PCDHGA11: variants seen among roughly 807,000 people sequenced by gnomAD.
PCDHGA11 encodes the protein protocadherin gamma subfamily A, 11, also known as protocadherin gamma-A11.
Under a neutral mutation model 60.4 loss-of-function variants are expected in PCDHGA11, and 39 were observed. The ratio of observed to expected loss-of-function variants is 0.65; its 90% CI spans 0.50 to 0.84. The LOEUF (loss-of-function observed/expected upper bound fraction) is 0.84, where lower values mean the gene tolerates loss of function less well. Ranked by LOEUF, PCDHGA11 falls within the 40% of genes least tolerant of loss-of-function variation. PCDHGA11 has a pLI of 0.00. For synonymous variants in PCDHGA11, 533 were observed against 510.3 expected, an observed-to-expected ratio of 1.04 and a Z score of -0.60; for missense variants, 1,165 against 1,197.7, an observed-to-expected ratio of 0.97 and a Z score of 0.40.
At chr5:141,440,859 T>C (rs1272611201) in intron 1 of PCDHGA11, 1 of 152,076 alleles carries the variant, frequency 6.6e-6, no homozygotes, top group Non-Finnish European at 1.5e-5. Context: ...CCTGTGTTCA[T>C]CTAGGATGTG....
In PCDHGA11 at chr5:141,431,627, C is replaced by T. The variant is rs769351473; in HGVS notation, c.2433+7967C>T. 2.5e-6 allele frequency: 4 copies of T among 1,614,076 alleles called. No homozygotes were observed. The South Asian group carries it at 4.4e-5, about 18-fold the overall frequency. On this transcript the variant is annotated intron_variant, in intron 1 of 3. Coordinates refer to ENST00000398587, the MANE Select transcript of PCDHGA11 (RefSeq NM_018914.3). The surrounding 1 kb of genome is among the most constrained non-coding windows in gnomAD (Gnocchi z 4.8). Reference sequence around the variant, plus strand: ...CCGGTATGTGGACGACAAGGCGGCCCAAGTTTTCAAACTAGATTGTAATTC... The same window carrying T: ...CCGGTATGTGGACGACAAGGCGGCCTAAGTTTTCAAACTAGATTGTAATTC...
At position 141,491,466 on chromosome 5, in the gene PCDHGA11, T is replaced by C; in HGVS notation, c.2434-3341T>C. The C allele has an allele frequency of 6.2e-7, 1 of 1,614,068 alleles. No homozygotes were observed. The highest frequency in any genetic ancestry group is 8.5e-7 in the Non-Finnish European group (1 of 1,179,986). ...AGGACTCACCCTCCCCGGACTTCTA[T>C]AAGCAGTCCAGCCCCAACCTGCAGG... On this transcript the variant is annotated intron_variant, in intron 1 of 3. Transcript: ENST00000398587. The surrounding 1 kb of genome is among the most constrained non-coding windows in gnomAD (Gnocchi z 6.9).
chr5:141,507,344 AT>A (rs1345461058), intron 3 of PCDHGA11: 5 of 152,206 alleles, frequency 3.3e-5, no homozygotes, highest in Non-Finnish European at 5.9e-5. Context: ...TTTACCTGAA[AT>A]TCAAATTTAA....
At chr5:141,483,064 A>G (rs1245942485) in intron 1 of PCDHGA11, among the ~76,000 whole-genome samples, 2 of 152,142 alleles carry the variant, frequency 1.3e-5, no homozygotes, top group Non-Finnish European at 2.9e-5. Context: ...CAGCATGGGC[A>G]ACAGAGAGAG....
intron 1 of PCDHGA11, among the ~76,000 whole-genome samples, chr5:141,455,408 G>A (rs1024760282): frequency 6.6e-6 from 1 of 152,150 alleles, no homozygotes; most frequent in Non-Finnish European, 1.5e-5. Context: ...TACAGAGACA[G>A]AGGGAGCGGG....
At chr5:141,436,300 G>A (rs966232889) in intron 1 of PCDHGA11, among the ~76,000 whole-genome samples, 1 of 152,180 alleles carries the variant, frequency 6.6e-6, no homozygotes, top group African/African-American at 2.4e-5. Flanking sequence ...TTGAGAGTTA[G>A]AGCATGAATA....
At chr5:141,430,873 G>T in intron 1 of PCDHGA11, 5 of 1,598,960 alleles carry the variant, frequency 3.1e-6, no homozygotes, top group Non-Finnish European at 4.3e-6. Flanking sequence ...TTCCGGAAGA[G>T]CTGGAGAAAG....
At chr5:141,428,022 G>A (rs1439933482) in intron 1 of PCDHGA11, 11 of 1,605,558 alleles carry the variant, frequency 6.9e-6, no homozygotes, top group South Asian at 1.1e-5. Context: ...GCCACGCGCC[G>A]CAGAGTCCGG....
chr5:141,491,327 T>C lies in PCDHGA11; in HGVS notation c.2434-3480T>C, dbSNP rs1422115943. ...TCAGACCTTACCCTTTACCTCATTG[T>C]GGCTCTAGCGACCGTCAGTCTCTTA... is the stretch of plus-strand genomic sequence containing the variant. On this transcript the variant is annotated intron_variant, in intron 1 of 3. Coordinates refer to ENST00000398587, the MANE Select transcript of PCDHGA11 (RefSeq NM_018914.3). This position sits in a 1 kb window ranked among gnomAD's most constrained non-coding sequence, Gnocchi z 6.9. 5.6e-6 allele frequency: 9 copies of C among 1,614,098 alleles called. No homozygotes were observed. Among genetic ancestry groups the C allele is most frequent in the Admixed American group, 3.3e-5 (2 of 60,006 alleles).
intron 3 of PCDHGA11, 77 bp downstream of exon 3, chr5:141,505,558 C>T (rs945428797): frequency 3.7e-6 from 6 of 1,605,016 alleles, no homozygotes; most frequent in African/African-American, 1.3e-5. Context: ...ACCATGCCCA[C>T]GGACTGGATG....
intron 1 of PCDHGA11, chr5:141,468,330 C>CAAAAAAAAA (rs533390277): frequency 1.3e-5 from 1 of 79,886 alleles, no homozygotes; most frequent in African/African-American, 3.9e-5. Context: ...AACTCCATCT[C>CAAAAAAAAA]AAAAAAAAAA....
chr5:141,491,368 A>G lies in PCDHGA11; in HGVS notation c.2434-3439A>G. ...CAGTCTCTTATCCCTAGTCACCTTC[A>G]CCTTTCTGTCAGCGAAGTGCCTTCA... On this transcript the variant is annotated intron_variant, in intron 1 of 3. Transcript: ENST00000398587. This position sits in a 1 kb window ranked among gnomAD's most constrained non-coding sequence, Gnocchi z 6.9. 6.2e-7 allele frequency: 1 copy of G among 1,613,842 alleles called. No homozygotes were observed. The highest frequency in any genetic ancestry group is 8.5e-7 in the Non-Finnish European group (1 of 1,179,940).
rs750233767 is a variant in PCDHGA11 at position 141,490,877 on chromosome 5, C to A, written c.2434-3930C>A. 1 of 1,613,880 alleles carries A rather than the reference C, an allele frequency of 6.2e-7. No individual in the cohort carries two copies. Among genetic ancestry groups the A allele is most frequent in the Non-Finnish European group, 8.5e-7 (1 of 1,179,900 alleles). On this transcript the variant is annotated intron_variant, in intron 1 of 3. Coordinates refer to ENST00000398587, the MANE Select transcript of PCDHGA11 (RefSeq NM_018914.3). This position sits in a 1 kb window ranked among gnomAD's most constrained non-coding sequence, Gnocchi z 5.4. Reference sequence around the variant, plus strand: ...GACTCCGGCTCTCCCCCATTGCATGCCAACACATCTCTGCATGTGTTTGTC... The same window carrying A: ...GACTCCGGCTCTCCCCCATTGCATGACAACACATCTCTGCATGTGTTTGTC...
In PCDHGA11 at chr5:141,485,578, G is replaced by A; in HGVS notation, c.2434-9229G>A. ...ATGATCACGCCCCCCGTTTTCCGCG[G>A]CAGCAGCTGGACTTGGAAATTGGGG... is the stretch of plus-strand genomic sequence containing the variant. On this transcript the variant is annotated intron_variant, in intron 1 of 3. Transcript: ENST00000398587. This position sits in a 1 kb window ranked among gnomAD's most constrained non-coding sequence, Gnocchi z 5.7. 6.2e-7 allele frequency: 1 copy of A among 1,612,362 alleles called. No homozygotes were observed. Among genetic ancestry groups the A allele is most frequent in the Non-Finnish European group, 8.5e-7 (1 of 1,178,688 alleles).
chr5:141,432,665 G>A lies in PCDHGA11; in HGVS notation c.2433+9005G>A. 1 of 1,613,896 alleles carries A rather than the reference G, an allele frequency of 6.2e-7. No individual in the cohort carries two copies. Among genetic ancestry groups the A allele is most frequent in the Non-Finnish European group, 8.5e-7 (1 of 1,179,956 alleles). On this transcript the variant is annotated intron_variant, in intron 1 of 3. Coordinates refer to ENST00000398587, the MANE Select transcript of PCDHGA11 (RefSeq NM_018914.3). The surrounding 1 kb of genome is among the most constrained non-coding windows in gnomAD (Gnocchi z 6.0). ...CACGGCGCGAGCCCTGCTGGACAGA[G>A]ACGCGCTCAAGCAGAGCCTCGTAGT... is the stretch of plus-strand genomic sequence containing the variant.
At chr5:141,502,887 G>T (rs2099816882) in intron 2 of PCDHGA11, among the ~76,000 whole-genome samples, 1 of 40,910 alleles carries the variant, frequency 2.4e-5, no homozygotes, top group Non-Finnish European at 4.5e-5. Context: ...TTTTGACAGG[G>T]AGTCTAGCTC....
chr5:141,429,487 C>G (rs2097218311), intron 1 of PCDHGA11, among the ~76,000 whole-genome samples: 1 of 151,822 alleles, frequency 6.6e-6, no homozygotes, highest in Non-Finnish European at 1.5e-5. Flanking sequence ...GTAGCTGAGA[C>G]TACAGTTGCC....
At chr5:141,461,966 G>A (rs2099027516) in intron 1 of PCDHGA11, among the ~76,000 whole-genome samples, 1 of 152,162 alleles carries the variant, frequency 6.6e-6, no homozygotes, top group African/African-American at 2.4e-5. Context: ...TGGGATTCCA[G>A]GCATATGCCA....
At chr5:141,478,574 C>T (rs2099465133) in intron 1 of PCDHGA11, 1 of 1,586,288 alleles carries the variant, frequency 6.3e-7, no homozygotes, top group Non-Finnish European at 8.6e-7. Flanking sequence ...ATGCTTGACC[C>T]TGTTAGTGCT....
Sources: gnomAD v4.1 joint callset for allele counts (sites outside exome capture counted in the v4.1 genomes callset) on GRCh38, gnomAD v4.1.1 for gene constraint, Gnocchi (gnomAD v3.1) non-coding constraint, MANE v1.5 for transcripts, NCBI Gene and HGNC (gene_info 2026-07-23, HGNC 2026-07-21) for gene names.